Variants in SULF2 observed in about 807,000 individuals in gnomAD.
SULF2 encodes the protein extracellular sulfatase Sulf-2.
A neutral mutation model predicts 107.7 loss-of-function variants in SULF2; 52 were observed. The observed-to-expected ratio is 0.48, with a 90% confidence interval of 0.39 to 0.61. The LOEUF (loss-of-function observed/expected upper bound fraction) is 0.61. SULF2 is among the 20% of genes least tolerant of loss of function. The pLI is 0.00. For missense variants in SULF2, 993 were observed against 1,177.3 expected, an observed-to-expected ratio of 0.84 and a Z score of 2.29; for synonymous variants, 460 against 464.3, an observed-to-expected ratio of 0.99 and a Z score of 0.12.
chr20:47,665,478 C>T (rs575171225), intron 13 of SULF2, among the ~76,000 whole-genome samples, 185 bp from the exon 14 acceptor site: 1 of 152,344 alleles, frequency 6.6e-6, no homozygotes, highest in Admixed American at 6.5e-5. Flanking sequence ...TGAAGGAAGC[C>T]CGCCTTCTCC....
intron 3 of SULF2, among the ~76,000 whole-genome samples, chr20:47,711,849 G>A (rs556860733): frequency 6.6e-6 from 1 of 151,182 alleles, no homozygotes; most frequent in South Asian, 2.1e-4. Flanking sequence ...ATACATACAT[G>A]AATATACAAC....
chr20:47,749,205 A>T (rs2090110527), intron 2 of SULF2, among the ~76,000 whole-genome samples: 1 of 152,220 alleles, frequency 6.6e-6, no homozygotes, highest in East Asian at 1.9e-4. Context: ...TGAAGCCACC[A>T]AGCCAGCCCT....
intron 2 of SULF2, 52 bp from the exon 3 acceptor site, chr20:47,736,994 C>A: frequency 1.9e-6 from 3 of 1,607,484 alleles, no homozygotes; most frequent in Non-Finnish European, 2.6e-6. Context: ...CGGGCGGCAC[C>A]GGCACCAGGG....
rs750841242 is a variant in SULF2 at position 47,698,175 on chromosome 20, C to T, written c.567+4344G>A. On this transcript the variant is annotated intron_variant, in intron 4 of 20. Transcript: ENST00000688720. ...TCCATGTGTGCCGGGGTTTCCAGAA[C>T]AGAAGTGGGACAGAGTGTTTTTTGG... 3.3e-5 allele frequency among the ~76,000 whole-genome samples: 5 copies of T among 152,322 alleles called. No individual in the cohort carries two copies. In the East Asian group the frequency reaches 9.6e-4, roughly 29 times the overall value.
intron 5 of SULF2, among the ~76,000 whole-genome samples, chr20:47,688,478 T>C (rs2088087869): frequency 6.6e-6 from 1 of 152,132 alleles, no homozygotes; most frequent in Non-Finnish European, 1.5e-5. Flanking sequence ...TCGCTGCTGT[T>C]TGGGGTGAAG....
chr20:47,731,187 C>CTCTTTTT (rs1186229502), intron 3 of SULF2, among the ~76,000 whole-genome samples: 64 of 81,180 alleles, frequency 7.9e-4, no homozygotes, highest in African/African-American at 3.9e-3. Flanking sequence ...TGTATCTTCT[C>CTCTTTTT]TTTTTTTTTT....
chr20:47,704,707 G>A (rs913363173), intron 3 of SULF2, among the ~76,000 whole-genome samples: 1 of 152,224 alleles, frequency 6.6e-6, no homozygotes, highest in African/African-American at 2.4e-5. Context: ...AATTTCTGAC[G>A]AGTATTGCTG....
intron 2 of SULF2, among the ~76,000 whole-genome samples, chr20:47,746,992 AAAAT>A (rs1421804797): frequency 4.2e-4 from 38 of 90,374 alleles, no homozygotes; most frequent in Admixed American, 6.2e-4. Context: ...TAAAAAAAAA[AAAAT>A]ATATATATAT....
chr20:47,765,317 G>C (rs1215161765), intron 1 of SULF2, among the ~76,000 whole-genome samples: 1 of 151,050 alleles, frequency 6.6e-6, no homozygotes, highest in Non-Finnish European at 1.5e-5. Context: ...TCGAGCCACT[G>C]TACTCCAGCC....
chr20:47,684,581 G>A lies in SULF2; in HGVS notation c.738C>T (p.Ile246=), dbSNP rs2087936465. 1 of 1,613,466 alleles carries A rather than the reference G, an allele frequency of 6.2e-7. No homozygotes were observed. Among genetic ancestry groups the A allele is most frequent in the African/African-American group, 1.3e-5 (1 of 75,016 alleles). ...TGGGCGCGTAGTTGTAGCTCGGCGT[G>A]CTGGTGGGCAAGGACATACACATCG... ...SRLFPNASQH[I]TPSYNYAPNP... is the part of the protein sequence containing the mutation. The change falls in exon 6 of 21, where the codon ATC becomes ATT. Residue 246 remains isoleucine, a splice_region_variant and synonymous_variant. Coordinates refer to ENST00000688720, the MANE Select transcript of SULF2 (RefSeq NM_001387048.1).
At chr20:47,684,400 G>T in intron 6 of SULF2, 31 bp downstream of exon 6, 1 of 1,575,844 alleles carries the variant, frequency 6.3e-7, no homozygotes, top group African/African-American at 1.4e-5. Context: ...TCGGAGCCAC[G>T]CCCACCAAGA....
At chr20:47,748,601 C>T (rs1360820672) in intron 2 of SULF2, among the ~76,000 whole-genome samples, 1 of 152,250 alleles carries the variant, frequency 6.6e-6, no homozygotes, top group African/African-American at 2.4e-5. Flanking sequence ...CAGTTCTCCA[C>T]CCCAGGGCAC....
chr20:47,715,417 C>T (rs1270136326), intron 3 of SULF2, among the ~76,000 whole-genome samples: 1 of 152,158 alleles, frequency 6.6e-6, no homozygotes, highest in Non-Finnish European at 1.5e-5. Flanking sequence ...ATGAGGGCAG[C>T]GGCTTTCTGA....
In SULF2 at chr20:47,663,607, C is replaced by A. The variant is rs370123755; in HGVS notation, c.2073G>T (p.Glu691Asp). 1 of 1,594,428 alleles carries A rather than the reference C, an allele frequency of 6.3e-7. No homozygotes were observed. Among genetic ancestry groups the A allele is most frequent in the Non-Finnish European group, 8.5e-7 (1 of 1,169,896 alleles). The part of the protein sequence containing the change: ...SLHPFRKGLQ[E>D]KDKVWLLREQ... ...CCCGCAACAGCCACACCTTGTCCTT[C>A]TCTTGCAGGCCCTTCCTATGGGCGC... The change falls in exon 16 of 21, where the codon GAG (glutamate) becomes GAT (aspartate). Residue 691 changes from glutamate to aspartate, a missense_variant. This residue lies in a region of SULF2 where 497 missense variants were observed against 544.1 expected (regional missense o/e 0.91). Transcript: ENST00000688720.
intron 2 of SULF2, among the ~76,000 whole-genome samples, chr20:47,756,226 A>G (rs762181532): frequency 6.6e-6 from 1 of 152,174 alleles, no homozygotes; most frequent in Non-Finnish European, 1.5e-5. Context: ...CTCTCTGGCC[A>G]CAGTCTGCAG....
intron 2 of SULF2, among the ~76,000 whole-genome samples, chr20:47,750,950 AT>A (rs1286366714): frequency 1.3e-5 from 2 of 151,950 alleles, no homozygotes; most frequent in Non-Finnish European, 2.9e-5. Context: ...CCTATAGAAA[AT>A]CCCAGCGATT....
At chr20:47,698,486 AAGG>A (rs2088457516) in intron 4 of SULF2, among the ~76,000 whole-genome samples, 1 of 151,814 alleles carries the variant, frequency 6.6e-6, no homozygotes, top group Admixed American at 6.5e-5. Context: ...GGGAGGATAT[AAGG>A]AAGGCCGCAC....
At chr20:47,682,849 A>G in intron 7 of SULF2, 145 bp downstream of exon 7, 1 of 767,538 alleles carries the variant, frequency 1.3e-6, no homozygotes, top group Non-Finnish European at 2.1e-6. Context: ...TATAACATGC[A>G]TGACATAATT....
intron 6 of SULF2, 52 bp from the exon 7 acceptor site, chr20:47,683,221 G>A (rs746236013): frequency 2.6e-5 from 39 of 1,509,846 alleles, no homozygotes; most frequent in Non-Finnish European, 3.3e-5. Flanking sequence ...TGCCTGGCCC[G>A]TCTCCGACCC....
Sources: allele counts gnomAD v4.1 joint callset (sites outside exome capture counted in the v4.1 genomes callset), GRCh38; gene constraint gnomAD v4.1.1; regional missense constraint gnomAD v4.1.1; transcripts MANE v1.5; gene names NCBI Gene and HGNC (gene_info 2026-07-23, HGNC 2026-07-21).